Variants in HSF2 observed in about 807,000 individuals in gnomAD.
The protein encoded by HSF2 is heat shock factor protein 2.
Under a neutral mutation model 65.0 loss-of-function variants are expected in HSF2, and 21 were observed. That is an observed-to-expected ratio of 0.32 (90% CI 0.23 to 0.47). The LOEUF (loss-of-function observed/expected upper bound fraction) is 0.47. Ranked by LOEUF, HSF2 falls within the 20% of genes least tolerant of loss-of-function variation. HSF2 has a pLI of 1.00. For synonymous variants in HSF2, 225 were observed against 219.1 expected (o/e 1.03, Z -0.24); for missense variants, 499 against 628.1 (o/e 0.79, Z 2.20).
Position 122,413,578 on chromosome 6 carries a change from AATT to A in HSF2, c.387_389del (p.Ile130del). The A allele has an allele frequency of 6.3e-7, 1 of 1,598,122 alleles. No homozygotes were observed. Among genetic ancestry groups the A allele is most frequent in the Non-Finnish European group, 8.6e-7 (1 of 1,166,320 alleles). ...AAATTCGTCAGGAAGATTTAACAAA[AATT>A]ATAAGTAGTGCTCAGAAGGTTCAGA... On this transcript the variant is annotated inframe_deletion, in exon 4 of 13. Coordinates refer to ENST00000368455, the MANE Select transcript of HSF2 (RefSeq NM_004506.4).
At chr6:122,420,637 C>CTTTT (rs67028816) in intron 7 of HSF2, among the ~76,000 whole-genome samples, 133 of 138,660 alleles carry the variant, frequency 9.6e-4, no homozygotes, top group Middle Eastern at 3.9e-3. Context: ...TATAGTGTGG[C>CTTTT]TTTTTTTTAA....
chr6:122,405,020 A>G (rs1773835393), intron 1 of HSF2, among the ~76,000 whole-genome samples: 1 of 152,192 alleles, frequency 6.6e-6, no homozygotes, highest in Admixed American at 6.5e-5. Flanking sequence ...TTTGTTATGA[A>G]TCTGTTATGA....
Position 122,422,136 on chromosome 6 carries a change from C to A in HSF2, c.682-14C>A. 6.5e-7 allele frequency: 1 copy of A among 1,548,246 alleles called. No individual in the cohort carries two copies. The highest frequency in any genetic ancestry group is 8.7e-7 in the Non-Finnish European group (1 of 1,144,682). On this transcript the variant is annotated splice_polypyrimidine_tract_variant and intron_variant, in intron 7 of 12. Transcript: ENST00000368455. ...TTTTGATTTTTAGATATATTTTTCTCTCTGAATTTTTAGGTTCCACACAGT... is the reference window on the plus strand; with the variant it reads ...TTTTGATTTTTAGATATATTTTTCTATCTGAATTTTTAGGTTCCACACAGT...
At chr6:122,428,022 TAG>T (rs1194095618) in intron 11 of HSF2, 66 bp downstream of exon 11, 2 of 960,436 alleles carry the variant, frequency 2.1e-6, no homozygotes, top group African/African-American at 3.3e-5. Context: ...TCCTAATAAG[TAG>T]AGAGCAATGT....
At chr6:122,423,068 A>G (rs1774272137) in intron 9 of HSF2, 111 bp downstream of exon 9, 3 of 1,176,924 alleles carry the variant, frequency 2.5e-6, no homozygotes, top group Non-Finnish European at 3.7e-6. Flanking sequence ...CACATAGTCC[A>G]CCTTTCTCTG....
chr6:122,412,538 T>G, intron 2 of HSF2, 57 bp downstream of exon 2: 9 of 1,545,072 alleles, frequency 5.8e-6, no homozygotes, highest in Non-Finnish European at 8.0e-6. Flanking sequence ...TGAAGCCATT[T>G]TTTTTCCCAT....
chr6:122,412,292 G>A (rs981143861), intron 1 of HSF2, 81 bp from the exon 2 acceptor site: 1 of 822,062 alleles, frequency 1.2e-6, no homozygotes, highest in Non-Finnish European at 2.1e-6. Context: ...ACTCAAGACA[G>A]TTGTGGGATG....
intron 1 of HSF2, among the ~76,000 whole-genome samples, chr6:122,409,868 G>C (rs1350220748): frequency 1.3e-5 from 2 of 151,742 alleles, no homozygotes; most frequent in African/African-American, 2.4e-5. Context: ...AGATGACATC[G>C]AGCTCTTATT....
chr6:122,431,768 A>G (rs1467042473), intron 12 of HSF2, among the ~76,000 whole-genome samples, 157 bp from the exon 13 acceptor site: 2 of 151,930 alleles, frequency 1.3e-5, no homozygotes, highest in Non-Finnish European at 2.9e-5. Context: ...TGACTTGCAC[A>G]TTTTAAAATT....
chr6:122,401,964 C>T (rs1216598992), intron 1 of HSF2, among the ~76,000 whole-genome samples: 1 of 152,180 alleles, frequency 6.6e-6, no homozygotes, highest in African/African-American at 2.4e-5. Flanking sequence ...CAACCCGAGG[C>T]TCACATGTGG....
chr6:122,413,827 G>A (rs549302), intron 4 of HSF2, among the ~76,000 whole-genome samples, 178 bp downstream of exon 4: 82,035 of 151,784 alleles, frequency 0.54, 22,432 homozygotes, highest in South Asian at 0.68. Context: ...TGTGGCCACT[G>A]ACTTTACTCT....
intron 6 of HSF2, 34 bp from the exon 7 acceptor site, chr6:122,420,101 G>T: frequency 6.4e-7 from 1 of 1,567,240 alleles, no homozygotes; most frequent in East Asian, 2.3e-5. Context: ...TTGTATGTTT[G>T]CTTCACTGAA....
chr6:122,404,935 T>C (rs1773833661), intron 1 of HSF2, among the ~76,000 whole-genome samples: 1 of 152,166 alleles, frequency 6.6e-6, no homozygotes, highest in Non-Finnish European at 1.5e-5. Flanking sequence ...ATCTCCCTAT[T>C]TTATATAATC....
intron 1 of HSF2, 41 bp downstream of exon 1, chr6:122,399,871 C>T: frequency 7.0e-7 from 1 of 1,425,050 alleles, no homozygotes; most frequent in African/African-American, 1.4e-5. Context: ...CCCTGAATAA[C>T]CGCCTCCTCA....
At chr6:122,428,071 C>T (rs1774377451) in intron 11 of HSF2, 115 bp downstream of exon 11, 1 of 561,022 alleles carries the variant, frequency 1.8e-6, no homozygotes, top group Non-Finnish European at 3.1e-6. Flanking sequence ...TATTCTTACC[C>T]AGTATGTGTG....
At chr6:122,417,163 T>A (rs918718081) in intron 5 of HSF2, among the ~76,000 whole-genome samples, 4 of 151,846 alleles carry the variant, frequency 2.6e-5, no homozygotes, top group Admixed American at 1.3e-4. Context: ...TTTTTTTTTT[T>A]AAAGTGTGCA....
chr6:122,424,834 A>C (rs144944212), intron 10 of HSF2, among the ~76,000 whole-genome samples: 9 of 152,184 alleles, frequency 5.9e-5, no homozygotes, highest in African/African-American at 1.9e-4. Flanking sequence ...AAAATTCTAT[A>C]ATTCTGGCCA....
At chr6:122,406,351 T>C (rs1397989606) in intron 1 of HSF2, among the ~76,000 whole-genome samples, 3 of 152,122 alleles carry the variant, frequency 2.0e-5, no homozygotes, top group Admixed American at 1.3e-4. Flanking sequence ...GGTAAGGCCT[T>C]GAATGTGGCT....
At position 122,432,609 on chromosome 6, in the gene HSF2, C is replaced by T. The variant is rs1011754302; in HGVS notation, c.*389C>T. ...GTCATTTGAACTAATGGTATAACTC[C>T]TAAAGCTTTCTCTGCTCCAGTTATT... is the stretch of plus-strand genomic sequence containing the variant. On this transcript the variant is annotated 3_prime_UTR_variant, in exon 13 of 13. Coordinates refer to ENST00000368455, the MANE Select transcript of HSF2 (RefSeq NM_004506.4). 6.3e-6 allele frequency: 1 copy of T among 158,108 alleles called. No homozygotes were observed. The highest frequency in any genetic ancestry group is 1.9e-4 in the South Asian group (1 of 5,200). 9.8% of individuals were successfully genotyped at this position (158,108 alleles called of 1,614,324 possible).
Sources: allele counts gnomAD v4.1 joint callset (sites outside exome capture counted in the v4.1 genomes callset), GRCh38; gene constraint gnomAD v4.1.1; transcripts MANE v1.5; gene names NCBI Gene and HGNC (gene_info 2026-07-23, HGNC 2026-07-21).